The following PCDH15 variants were observed in gnomAD, a reference collection of about 807,000 sequenced individuals.
PCDH15 encodes protocadherin related 15.
PCDH15 carries 129 observed loss-of-function variants against 178.5 expected under a neutral mutation model. That is an observed-to-expected ratio of 0.72 (90% confidence interval 0.63 to 0.84). PCDH15 has a LOEUF of 0.84. Ranked by LOEUF, PCDH15 falls within the 40% of genes least tolerant of loss-of-function variation. The pLI is 0.00. For missense variants in PCDH15, 2,230 were observed against 2,099.9 expected (o/e 1.06, Z -1.21); for synonymous variants, 800 against 732.0 (o/e 1.09, Z -1.50).
At chr10:55,153,663 A>G (rs1022478647) in intron 2 of PCDH15, among the ~76,000 whole-genome samples, 1 of 152,094 alleles carries the variant, frequency 6.6e-6, no homozygotes, top group Non-Finnish European at 1.5e-5. Context: ...CACTACCTTC[A>G]TAGGTTTAAG....
At chr10:54,473,720 A>G (rs903056057) in intron 3 of PCDH15, among the ~76,000 whole-genome samples, 13 of 151,996 alleles carry the variant, frequency 8.6e-5, no homozygotes, top group African/African-American at 2.9e-4. Flanking sequence ...ATATTTTGTC[A>G]TTAGGTTATT....
At position 54,213,984 on chromosome 10, in the gene PCDH15, C is replaced by T. The variant is rs751927710; in HGVS notation, c.1050G>A (p.Leu350=). 1.2e-6 allele frequency: 2 copies of T among 1,612,052 alleles called. No homozygotes were observed. The highest frequency in any genetic ancestry group is 2.2e-5 in the South Asian group (2 of 91,040). The part of the protein sequence containing the change: ...MHPRTAELSL[L]EPVNRDFHQK... ...GGTGAAAGTCTCTGTTTACTGGCTCCAGGAGACTAAGTTCTGCTGTCCTAG... is the reference window on the plus strand; with the variant it reads ...GGTGAAAGTCTCTGTTTACTGGCTCTAGGAGACTAAGTTCTGCTGTCCTAG... The change falls in exon 10 of 38, where the codon CTG becomes CTA. Residue 350 remains leucine (L), a synonymous_variant. Transcript: ENST00000644397.
chr10:54,718,632 A>C (rs7081239), intron 1 of PCDH15, among the ~76,000 whole-genome samples: 18,112 of 150,798 alleles, frequency 0.12, 1,227 homozygotes, highest in African/African-American at 0.17. Context: ...AGAAACAACT[A>C]TGAAAGTATG....
At chr10:55,085,953 C>A (rs1842158717) in intron 2 of PCDH15, among the ~76,000 whole-genome samples, 1 of 151,462 alleles carries the variant, frequency 6.6e-6, no homozygotes, top group African/African-American at 2.4e-5. Context: ...ATTCTTATAT[C>A]ATCTATCAAG....
chr10:55,103,109 T>A (rs1026283515), intron 2 of PCDH15, among the ~76,000 whole-genome samples: 34 of 142,086 alleles, frequency 2.4e-4, no homozygotes, highest in Non-Finnish European at 4.1e-4. Context: ...TCTCTGATTT[T>A]TCTTTTTTTT....
intron 23 of PCDH15, among the ~76,000 whole-genome samples, chr10:53,942,804 C>G (rs1394151887): frequency 6.6e-6 from 1 of 152,174 alleles, no homozygotes; most frequent in African/African-American, 2.4e-5. Flanking sequence ...GAGGACACAG[C>G]TAACCCATGC....
intron 7 of PCDH15, among the ~76,000 whole-genome samples, chr10:54,318,381 T>A (rs1023937736): frequency 6.6e-6 from 1 of 152,180 alleles, no homozygotes; most frequent in African/African-American, 2.4e-5. Flanking sequence ...CAGCCATTTT[T>A]TCTATTAGAG....
intron 2 of PCDH15, among the ~76,000 whole-genome samples, chr10:54,982,675 T>A (rs1839267699): frequency 6.6e-6 from 1 of 152,104 alleles, no homozygotes; most frequent in Non-Finnish European, 1.5e-5. Context: ...ACAGTGAAGA[T>A]TTTGGGCATT....
At chr10:54,968,139 TAA>T (rs1350991747) in intron 2 of PCDH15, among the ~76,000 whole-genome samples, 1 of 152,196 alleles carries the variant, frequency 6.6e-6, no homozygotes, top group East Asian at 1.9e-4. Flanking sequence ...AGCCTGGGCT[TAA>T]TGGTAGACGT....
intron 35 of PCDH15, 125 bp from the exon 36 acceptor site, chr10:53,811,744 C>A: frequency 1.9e-6 from 1 of 525,374 alleles, no homozygotes; most frequent in Non-Finnish European, 3.3e-6. Flanking sequence ...ACTTTAAATA[C>A]AAGTGTCAGT....
chr10:54,222,961 T>A (rs79726350), intron 9 of PCDH15, among the ~76,000 whole-genome samples: 1,784 of 152,286 alleles, frequency 0.012, 44 homozygotes, highest in African/African-American at 0.041. Flanking sequence ...CGTTTTTACT[T>A]TGATGAAGTC....
intron 21 of PCDH15, among the ~76,000 whole-genome samples, chr10:53,992,263 C>T (rs971049315): frequency 3.9e-5 from 6 of 152,148 alleles, no homozygotes; most frequent in South Asian, 4.1e-4. Context: ...ACTCCAAACA[C>T]GTCTGAACAT....
intron 26 of PCDH15, among the ~76,000 whole-genome samples, chr10:53,892,171 C>T (rs1046351869): frequency 2.0e-5 from 3 of 151,782 alleles, no homozygotes; most frequent in African/African-American, 7.3e-5. Flanking sequence ...ATTACAGGCG[C>T]CTGCCACTGC....
chr10:54,883,297 A>G (rs1954296509), intron 3 of PCDH15, among the ~76,000 whole-genome samples: 1 of 152,124 alleles, frequency 6.6e-6, no homozygotes, highest in African/African-American at 2.4e-5. Flanking sequence ...TACCTCCAAA[A>G]AAAGTAAAAC....
intron 21 of PCDH15, among the ~76,000 whole-genome samples, chr10:53,972,536 C>A (rs1192969412): frequency 6.6e-6 from 1 of 152,158 alleles, no homozygotes; most frequent in African/African-American, 2.4e-5. Context: ...TACAGTCTAC[C>A]CATCTGACAA....
chr10:55,267,140 G>A (rs1179381577), intron 1 of PCDH15, among the ~76,000 whole-genome samples: 2 of 152,038 alleles, frequency 1.3e-5, no homozygotes, highest in East Asian at 3.9e-4. Flanking sequence ...AGGAGAAGGA[G>A]AGACAGAGGG....
chr10:55,439,155 A>G (rs1839119307), intron 2 of PCDH15, among the ~76,000 whole-genome samples: 1 of 152,092 alleles, frequency 6.6e-6, no homozygotes, highest in Non-Finnish European at 1.5e-5. Context: ...CACCTGCCTC[A>G]GCCTCTCAAA....
intron 3 of PCDH15, among the ~76,000 whole-genome samples, chr10:54,405,661 T>C (rs776496608): frequency 4.7e-5 from 7 of 150,448 alleles, no homozygotes; most frequent in Non-Finnish European, 8.9e-5. Flanking sequence ...ATAACAAACA[T>C]GGACATGTAC....
intron 3 of PCDH15, among the ~76,000 whole-genome samples, chr10:54,842,936 A>G (rs1953443775): frequency 6.6e-6 from 1 of 151,946 alleles, no homozygotes; most frequent in Admixed American, 6.6e-5. Flanking sequence ...ATAAAAAGAA[A>G]TAAGTGTCAT....
Sources: allele counts gnomAD v4.1 joint callset (sites outside exome capture counted in the v4.1 genomes callset), GRCh38; gene constraint gnomAD v4.1.1; transcripts MANE v1.5; gene names NCBI Gene and HGNC (gene_info 2026-07-23, HGNC 2026-07-21).